ITPR2: variants seen among roughly 807,000 people sequenced by gnomAD.
ITPR2 encodes the protein inositol 1,4,5-trisphosphate-gated calcium channel ITPR2.
ITPR2 carries 207 observed loss-of-function variants against 317.1 expected under a neutral mutation model. That is an observed-to-expected ratio of 0.65 (90% CI 0.58 to 0.73). ITPR2 has a LOEUF of 0.73. Ranked by LOEUF, ITPR2 falls within the 30% of genes least tolerant of loss-of-function variation. ITPR2 has a pLI of 0.00. For missense variants in ITPR2, 2,613 were observed against 3,284.0 expected, an observed-to-expected ratio of 0.80 and a Z score of 4.99; for synonymous variants, 1,156 against 1,149.1, an observed-to-expected ratio of 1.01 and a Z score of -0.12.
intron 9 of ITPR2, among the ~76,000 whole-genome samples, chr12:26,701,000 T>C (rs947516266): frequency 6.6e-6 from 1 of 152,198 alleles, no homozygotes; most frequent in African/African-American, 2.4e-5. Flanking sequence ...GGCAATGGCA[T>C]ATCCAAGATC....
intron 39 of ITPR2, among the ~76,000 whole-genome samples, chr12:26,488,858 C>T (rs560881517): frequency 6.6e-5 from 10 of 152,096 alleles, no homozygotes; most frequent in Non-Finnish European, 1.3e-4. Flanking sequence ...TTCATAGATA[C>T]TTTCAATTCA....
chr12:26,725,914 T>A (rs1948912189), intron 2 of ITPR2, 149 bp from the exon 3 acceptor site: 2 of 587,722 alleles, frequency 3.4e-6, no homozygotes, highest in African/African-American at 1.9e-5. Flanking sequence ...AACTCTCCAT[T>A]CACTCTATAA....
chr12:26,739,648 G>A (rs1949197073), intron 2 of ITPR2, among the ~76,000 whole-genome samples: 1 of 152,162 alleles, frequency 6.6e-6, no homozygotes, highest in Admixed American at 6.5e-5. Context: ...GAAGTGGGGT[G>A]GAAGCAAGGA....
At chr12:26,701,777 AAT>A (rs1266732880) in intron 9 of ITPR2, among the ~76,000 whole-genome samples, 3 of 152,230 alleles carry the variant, frequency 2.0e-5, no homozygotes, top group African/African-American at 4.8e-5. Flanking sequence ...CAGGCTATTG[AAT>A]AGTCAGGAAA....
At chr12:26,451,154 T>C (rs1941731035) in intron 45 of ITPR2, among the ~76,000 whole-genome samples, 1 of 152,028 alleles carries the variant, frequency 6.6e-6, no homozygotes, top group South Asian at 2.1e-4. Flanking sequence ...AGAGAAAGCC[T>C]TAAAGAAAGC....
In ITPR2 at chr12:26,541,767, T is replaced by G. The variant is rs534754124; in HGVS notation, c.5073+8480A>C. On this transcript the variant is annotated intron_variant, in intron 37 of 56. Transcript: ENST00000381340. ...TAGGAGTTAAGTTGCTTGGTATAAT[T>G]ATGACATTCTTTTTGTGACTTCTCA... 2.0e-5 allele frequency among the ~76,000 whole-genome samples: 3 copies of G among 152,298 alleles called. No homozygotes were observed. The South Asian group carries it at 6.2e-4, about 32-fold the overall frequency.
chr12:26,463,619 C>T (rs559227886), intron 45 of ITPR2, among the ~76,000 whole-genome samples: 5 of 151,876 alleles, frequency 3.3e-5, no homozygotes, highest in South Asian at 4.2e-4. Context: ...GAGCTGAGAT[C>T]GCACCACTGC....
intron 13 of ITPR2, among the ~76,000 whole-genome samples, chr12:26,670,458 A>G (rs1312869643): frequency 6.6e-6 from 1 of 152,252 alleles, no homozygotes; most frequent in Admixed American, 6.5e-5. Context: ...GTGGACCTCT[A>G]GCAAACTCCA....
In ITPR2 at chr12:26,535,281, G is replaced by A. The variant is rs973275980; in HGVS notation, c.5073+14966C>T. The stretch of plus-strand genomic sequence containing the variant: ...AGGAACTACTATACACAATAAAAAT[G>A]ATTCCAAAAAAGCTACATATGGCAT... On this transcript the variant is annotated intron_variant, in intron 37 of 56. Transcript: ENST00000381340. Among the ~76,000 whole-genome samples, 8 of 152,140 alleles carry A rather than the reference G, an allele frequency of 5.3e-5. No homozygotes were observed. In the East Asian group the frequency reaches 1.3e-3, roughly 26 times the overall value.
chr12:26,336,980 G>GTTTTTTTTTTTTTTTTGCTTTT lies in ITPR2; in HGVS notation c.*2416_*2417insAAAAGCAAAAAAAAAAAAAAAA, dbSNP rs67842212. 1 of 137,268 alleles carries GTTTTTTTTTTTTTTTTGCTTTT rather than the reference G, an allele frequency of 7.3e-6. No individual in the cohort carries two copies. Among genetic ancestry groups the GTTTTTTTTTTTTTTTTGCTTTT allele is most frequent in the African/African-American group, 2.7e-5 (1 of 37,474 alleles). The allele number at this position is 137,268 out of a possible 1,614,324, so 8.5% of individuals were successfully genotyped here. Reference sequence around the variant, plus strand: ...TTGTCTGCTTCGATTTTTTGTTGCTGTTTTTTTTTTTTTTGCTTTATAATT... The same window carrying GTTTTTTTTTTTTTTTTGCTTTT: ...TTGTCTGCTTCGATTTTTTGTTGCTGTTTTTTTTTTTTTTTTGCTTTTTTTTTTTTTTTTTTGCTTTATAATT... On this transcript the variant is annotated 3_prime_UTR_variant, in exon 57 of 57. Transcript: ENST00000381340.
rs148934062 is a variant in ITPR2, at chr12:26,631,598, A to G, written c.2934+268T>C. On this transcript the variant is annotated intron_variant, in intron 22 of 56. Coordinates refer to ENST00000381340, the MANE Select transcript of ITPR2 (RefSeq NM_002223.4). ...GGACAATACTAATTTTTTTTAATACACATGAAAGCAGTTTATCAACCTCAA... is the reference window on the plus strand; with the variant it reads ...GGACAATACTAATTTTTTTTAATACGCATGAAAGCAGTTTATCAACCTCAA... 1.3e-4 allele frequency among the ~76,000 whole-genome samples: 20 copies of G among 152,322 alleles called. No individual in the cohort carries two copies. In the East Asian group the frequency reaches 3.7e-3, roughly 28 times the overall value.
intron 54 of ITPR2, among the ~76,000 whole-genome samples, chr12:26,392,302 T>G (rs924020296): frequency 6.6e-6 from 1 of 152,218 alleles, no homozygotes; most frequent in African/African-American, 2.4e-5. Context: ...CTTAGACTCA[T>G]GCACTGACAT....
intron 37 of ITPR2, among the ~76,000 whole-genome samples, chr12:26,516,748 C>A (rs1943531955): frequency 6.6e-6 from 1 of 151,920 alleles, no homozygotes; most frequent in Non-Finnish European, 1.5e-5. Flanking sequence ...AAAAGTATTT[C>A]TTTGGAAATG....
chr12:26,811,809 G>A (rs1282059525), intron 1 of ITPR2, among the ~76,000 whole-genome samples: 4 of 125,624 alleles, frequency 3.2e-5, no homozygotes, highest in East Asian at 2.5e-4. Context: ...AGCCGAGATC[G>A]CACCACTGCA....
intron 9 of ITPR2, among the ~76,000 whole-genome samples, chr12:26,696,808 C>A (rs1454883499): frequency 6.6e-6 from 1 of 152,168 alleles, no homozygotes; most frequent in Non-Finnish European, 1.5e-5. Context: ...AGAGAATTTA[C>A]CGACCAAAAA....
chr12:26,792,031 C>G (rs1262520305), intron 1 of ITPR2, among the ~76,000 whole-genome samples: 1 of 152,160 alleles, frequency 6.6e-6, no homozygotes, highest in East Asian at 1.9e-4. Context: ...TTATGAATGT[C>G]ACTGAGTCCC....
Position 26,595,438 on chromosome 12 carries a change from C to T in ITPR2, c.4380+27G>A, listed in dbSNP as rs180761993. 27 of 1,593,180 alleles carry T rather than the reference C, an allele frequency of 1.7e-5. No homozygotes were observed. The East Asian group carries it at 5.4e-4, about 32-fold the overall frequency. On this transcript the variant is annotated intron_variant, in intron 32 of 56. Transcript: ENST00000381340. ...TATTTAGTCGAAATATCTATTGACA[C>T]CCTTCAGTAGTCAAAATCTAACTTA...
rs774492302 is a variant in ITPR2 at position 26,686,466 on chromosome 12, C to G, written c.1148+15G>C. ...ATTATTCAAAGAAACATCTTTTAAC[C>G]ATAATTTTTTTTACCTTGGAACCAG... is the stretch of plus-strand genomic sequence containing the variant. On this transcript the variant is annotated intron_variant, in intron 11 of 56. Transcript: ENST00000381340. 3.9e-6 allele frequency: 6 copies of G among 1,534,378 alleles called. No individual in the cohort carries two copies. The highest frequency in any genetic ancestry group is 5.3e-6 in the Non-Finnish European group (6 of 1,138,598).
chr12:26,576,718 G>A (rs1269146298), intron 34 of ITPR2, among the ~76,000 whole-genome samples: 2 of 152,204 alleles, frequency 1.3e-5, no homozygotes, highest in African/African-American at 2.4e-5. Flanking sequence ...GAGTGGCCCA[G>A]GATAGAGAGG....
Sources: allele counts gnomAD v4.1 joint callset (sites outside exome capture counted in the v4.1 genomes callset), GRCh38; gene constraint gnomAD v4.1.1; transcripts MANE v1.5; gene names NCBI Gene and HGNC (gene_info 2026-07-23, HGNC 2026-07-21).